The following KICS2 variants were observed in gnomAD, a reference collection of about 807,000 sequenced individuals.
KICS2 encodes KICSTOR complex protein C12orf66.
In KICS2, 13 loss-of-function variants were observed where a neutral mutation model predicts 31.4. That is an observed-to-expected ratio of 0.41 (90% CI 0.27 to 0.66). The LOEUF (loss-of-function observed/expected upper bound fraction) is 0.66. KICS2 is among the 30% of genes least tolerant of loss of function. KICS2 has a pLI of 0.28. For missense variants in KICS2, 455 were observed against 545.4 expected (o/e 0.83, Z 1.65); for synonymous variants, 209 against 214.8 (o/e 0.97, Z 0.24).
intron 2 of KICS2, among the ~76,000 whole-genome samples, chr12:64,201,650 C>T (rs2136694388): frequency 6.7e-6 from 1 of 150,278 alleles, no homozygotes; most frequent in African/African-American, 2.4e-5. Flanking sequence ...GGTGGCCAGC[C>T]TGGCCAACAT....
Position 64,191,507 on chromosome 12 carries a change from C to T in KICS2, c.*2335G>A, listed in dbSNP as rs2037378567. On this transcript the variant is annotated 3_prime_UTR_variant, in exon 3 of 3. Coordinates refer to ENST00000398055, the MANE Select transcript of KICS2 (RefSeq NM_152440.5). ...TATATTCTTCTAGGTATTTGGGGGACTGTGTCATTAAGGCTAATGGTGGTT... is the reference window on the plus strand; with the variant it reads ...TATATTCTTCTAGGTATTTGGGGGATTGTGTCATTAAGGCTAATGGTGGTT... 1 of 151,964 alleles carries T rather than the reference C, an allele frequency of 6.6e-6. No homozygotes were observed. Among genetic ancestry groups the T allele is most frequent in the South Asian group, 2.1e-4 (1 of 4,814 alleles). The allele number at this position is 151,964 out of a possible 1,614,324, so 9.4% of individuals were successfully genotyped here.
chr12:64,189,472 A>G (rs2037363089), downstream of KICS2, among the ~76,000 whole-genome samples: 2 of 152,220 alleles, frequency 1.3e-5, no homozygotes, highest in African/African-American at 4.8e-5. Context: ...GGAAAAAAGG[A>G]TGAAAAACAA....
At chr12:64,205,710 AAGGAAGGG>A (rs1260779637) in intron 2 of KICS2, among the ~76,000 whole-genome samples, 1 of 113,036 alleles carries the variant, frequency 8.8e-6, no homozygotes, top group Non-Finnish European at 1.9e-5. Context: ...AAAGGGAAGG[AAGGAAGGG>A]AGGGAGGGAG....
intron 1 of KICS2, among the ~76,000 whole-genome samples, chr12:64,216,376 C>T (rs1028532931): frequency 6.6e-6 from 1 of 152,168 alleles, no homozygotes; most frequent in Non-Finnish European, 1.5e-5. Flanking sequence ...CTACCTTTCA[C>T]ATAGATGTAT....
At chr12:64,186,381 G>T (rs904619353), downstream of KICS2, 2 of 152,054 alleles carry the variant, frequency 1.3e-5, no homozygotes, top group African/African-American at 4.8e-5. Flanking sequence ...TTCATTTTAG[G>T]ATAAAATTCT....
chr12:64,221,903 T>A, intron 1 of KICS2, 100 bp downstream of exon 1: 1 of 1,290,570 alleles, frequency 7.7e-7, no homozygotes, highest in Non-Finnish European at 1.1e-6. Context: ...AGCCTGCGAC[T>A]AGAAGTGACA....
intron 2 of KICS2, among the ~76,000 whole-genome samples, chr12:64,197,283 G>C (rs1157159947): frequency 1.4e-5 from 2 of 147,028 alleles, no homozygotes; most frequent in East Asian, 4.0e-4. Context: ...AGAAGAGAGT[G>C]GGGGCCAATA....
At chr12:64,201,628 A>AC (rs1473818364) in intron 2 of KICS2, among the ~76,000 whole-genome samples, 58 of 146,108 alleles carry the variant, frequency 4.0e-4, no homozygotes, top group African/African-American at 1.3e-3. Context: ...AGAAAAAAAA[A>AC]AAAAACAAAA....
At chr12:64,211,914 A>ATTT (rs1385704707) in intron 2 of KICS2, among the ~76,000 whole-genome samples, 1 of 152,236 alleles carries the variant, frequency 6.6e-6, no homozygotes, top group Non-Finnish European at 1.5e-5. Context: ...GATTTCCTGA[A>ATTT]TGTAAAAACT....
Position 64,193,694 on chromosome 12 carries a change from T to A in KICS2, c.*148A>T. ...TAATTCAATTGGCCTTAATTGCTTA[T>A]AAAGTGTGCAACACAGGGAGGATTT... On this transcript the variant is annotated 3_prime_UTR_variant, in exon 3 of 3. Coordinates refer to ENST00000398055, the MANE Select transcript of KICS2 (RefSeq NM_152440.5). 3.5e-6 allele frequency: 5 copies of A among 1,438,462 alleles called. No homozygotes were observed. The South Asian group carries it at 6.1e-5, about 18-fold the overall frequency. 89.1% of individuals were successfully genotyped at this position (1,438,462 alleles called of 1,614,324 possible). A position where few individuals can be genotyped will look rare whatever the true frequency, so the allele number is the denominator to read the frequency against.
chr12:64,205,017 T>TAA (rs1168447479), intron 2 of KICS2: 1 of 152,226 alleles, frequency 6.6e-6, no homozygotes, highest in Non-Finnish European at 1.5e-5. Context: ...CCTTGACACT[T>TAA]ATAAGCATTA....
chr12:64,191,216 A>G lies in KICS2; in HGVS notation c.*2626T>C, dbSNP rs2037375789. 1 of 152,066 alleles carries G rather than the reference A, an allele frequency of 6.6e-6. No homozygotes were observed. Among genetic ancestry groups the G allele is most frequent in the Admixed American group, 6.5e-5 (1 of 15,282 alleles). 9.4% of individuals were successfully genotyped at this position (152,066 alleles called of 1,614,324 possible). A position where few individuals can be genotyped will look rare whatever the true frequency, so the allele number is the denominator to read the frequency against. On this transcript the variant is annotated 3_prime_UTR_variant, in exon 3 of 3. Transcript: ENST00000398055. ...TTATGTGGAGTTTTTATAATTAGAA[A>G]ACTTTATTGAAGAGCTTCAGAAATA...
At chr12:64,195,731 C>T (rs868635197) in intron 2 of KICS2, among the ~76,000 whole-genome samples, 27 of 152,288 alleles carry the variant, frequency 1.8e-4, no homozygotes, top group Middle Eastern at 3.4e-3. Flanking sequence ...TGGGCGCAGG[C>T]CAGTGGGTGC....
At chr12:64,204,574 C>T (rs997698665) in intron 2 of KICS2, among the ~76,000 whole-genome samples, 1 of 152,072 alleles carries the variant, frequency 6.6e-6, no homozygotes, top group African/African-American at 2.4e-5. Context: ...TCATTAGGAG[C>T]CCAGGAGTTC....
At chr12:64,215,646 A>G (rs776250410) in intron 2 of KICS2, 32 bp downstream of exon 2, 1 of 1,580,902 alleles carries the variant, frequency 6.3e-7, no homozygotes, top group Non-Finnish European at 8.6e-7. Flanking sequence ...TAGGACAGCC[A>G]CGCTTTCTCC....
downstream of KICS2, chr12:64,186,543 G>A (rs181972237): frequency 2.6e-5 from 4 of 152,200 alleles, no homozygotes; most frequent in East Asian, 1.9e-4. Context: ...TTAAAAGACC[G>A]AATAACATTT....
At chr12:64,194,711 A>G in intron 2 of KICS2, 53 bp from the exon 3 acceptor site, 3 of 1,521,400 alleles carry the variant, frequency 2.0e-6, no homozygotes, top group Non-Finnish European at 2.6e-6. Flanking sequence ...CACTTGCCAC[A>G]CTGACATTTT....
At chr12:64,208,804 C>A (rs889500724) in intron 2 of KICS2, among the ~76,000 whole-genome samples, 2 of 151,546 alleles carry the variant, frequency 1.3e-5, no homozygotes, top group East Asian at 3.9e-4. Flanking sequence ...TTTATTATTG[C>A]CATACCGTAG....
intron 1 of KICS2, among the ~76,000 whole-genome samples, chr12:64,219,546 C>A (rs2037659736): frequency 6.6e-6 from 1 of 152,054 alleles, no homozygotes; most frequent in Non-Finnish European, 1.5e-5. Flanking sequence ...CAAATAAATA[C>A]CATCCATAAG....
Sources: allele counts gnomAD v4.1 joint callset (sites outside exome capture counted in the v4.1 genomes callset), GRCh38; gene constraint gnomAD v4.1.1; transcripts MANE v1.5; gene names NCBI Gene and HGNC (gene_info 2026-07-23, HGNC 2026-07-21).